Variants in PPME1 observed in about 807,000 individuals in gnomAD.
The protein encoded by PPME1 is testicular secretory protein Li 39.
A neutral mutation model predicts 56.9 loss-of-function variants in PPME1; 17 were observed. That is an observed-to-expected ratio of 0.30 (90% CI 0.20 to 0.45). The LOEUF is 0.45. PPME1 is among the 20% of genes least tolerant of loss of function. PPME1 has a pLI of 1.00. For synonymous variants in PPME1, 122 were observed against 156.2 expected (o/e 0.78, Z 1.63); for missense variants, 357 against 483.2 (o/e 0.74, Z 2.45).
chr11:74,217,076 C>T (rs1265104850), intron 3 of PPME1, among the ~76,000 whole-genome samples: 2 of 152,166 alleles, frequency 1.3e-5, no homozygotes, highest in Admixed American at 1.3e-4. Context: ...TCAAACTATT[C>T]TGAAAAATAG....
At chr11:74,232,800 C>T (rs1859100946) in intron 7 of PPME1, among the ~76,000 whole-genome samples, 1 of 151,674 alleles carries the variant, frequency 6.6e-6, no homozygotes. Flanking sequence ...CTGCCTCAGC[C>T]ACCCAAGTAG....
intron 4 of PPME1, among the ~76,000 whole-genome samples, chr11:74,224,123 A>C (rs1487493611): frequency 6.7e-6 from 1 of 149,160 alleles, no homozygotes; most frequent in Admixed American, 6.7e-5. Flanking sequence ...TTTTTGTATA[A>C]GGTGTAAGGA....
chr11:74,203,668 C>A (rs1858235448), intron 1 of PPME1, 60 bp from the exon 2 acceptor site: 1 of 1,317,030 alleles, frequency 7.6e-7, no homozygotes, highest in South Asian at 1.3e-5. Context: ...ATTTATTGAC[C>A]AAGATTTTAT....
intron 11 of PPME1, chr11:74,247,390 G>A: frequency 2.5e-6 from 1 of 402,918 alleles, no homozygotes; most frequent in Non-Finnish European, 4.4e-6. Context: ...GAGTTAAAAT[G>A]AGGCAATGTG....
rs773196231 is a variant in PPME1, at chr11:74,254,344, G to A, written c.*834G>A. On this transcript the variant is annotated 3_prime_UTR_variant, in exon 14 of 14. Coordinates refer to ENST00000328257, the MANE Select transcript of PPME1 (RefSeq NM_016147.3). Reference sequence around the variant, plus strand: ...ATTTTCATAACTGGTTCCTGGAGGTGTGCAGTGCCCCCTTGCCTCTTCAAA... The same window carrying A: ...ATTTTCATAACTGGTTCCTGGAGGTATGCAGTGCCCCCTTGCCTCTTCAAA... 1 of 152,856 alleles carries A rather than the reference G, an allele frequency of 6.5e-6. No individual in the cohort carries two copies. Among genetic ancestry groups the A allele is most frequent in the Non-Finnish European group, 1.5e-5 (1 of 68,156 alleles). The allele number at this position is 152,856 out of a possible 1,614,324, so 9.5% of individuals were successfully genotyped here.
At chr11:74,195,227 C>A (rs1857949436) in intron 1 of PPME1, among the ~76,000 whole-genome samples, 1 of 152,192 alleles carries the variant, frequency 6.6e-6, no homozygotes, top group African/African-American at 2.4e-5. Context: ...CTGTTTGTCT[C>A]TCCTCGAGAG....
intron 1 of PPME1, among the ~76,000 whole-genome samples, chr11:74,173,829 A>C (rs772778119): frequency 6.6e-6 from 1 of 152,228 alleles, no homozygotes; most frequent in Non-Finnish European, 1.5e-5. Context: ...GGAGTGAGCT[A>C]CTGTGCCTGG....
chr11:74,171,624 G>A (rs1369825630), intron 1 of PPME1, 102 bp downstream of exon 1: 1 of 1,390,460 alleles, frequency 7.2e-7, no homozygotes, highest in Non-Finnish European at 9.5e-7. Flanking sequence ...TCTACTGATA[G>A]GAGAAAATGT....
In PPME1 at chr11:74,223,448, G is replaced by A. The variant is rs1427736158; in HGVS notation, c.346+1079G>A. ...AGCAGCAAGATTTATAGTCCTTTGG[G>A]TATATACCCAGTAGTGGGATGGCTG... On this transcript the variant is annotated intron_variant, in intron 4 of 13. Coordinates refer to ENST00000328257, the MANE Select transcript of PPME1 (RefSeq NM_016147.3). 4.9e-5 allele frequency among the ~76,000 whole-genome samples: 7 copies of A among 142,270 alleles called. 1 individual carries two copies. Among genetic ancestry groups the A allele is most frequent in the African/African-American group, 2.1e-4 (7 of 33,370 alleles). 93.3% of individuals were successfully genotyped at this position (142,270 alleles called of 152,430 possible).
chr11:74,251,464 G>C, intron 12 of PPME1, 184 bp from the exon 13 acceptor site: 3 of 1,428,782 alleles, frequency 2.1e-6, no homozygotes, highest in Non-Finnish European at 2.7e-6. Flanking sequence ...CCCTGGCAAG[G>C]ATAGTGGGGA....
At chr11:74,202,421 T>G (rs1358530483) in intron 1 of PPME1, among the ~76,000 whole-genome samples, 1 of 152,232 alleles carries the variant, frequency 6.6e-6, no homozygotes, top group Non-Finnish European at 1.5e-5. Context: ...GTTTCACTTT[T>G]GAAAGAATAT....
At chr11:74,197,354 G>A (rs1461938560) in intron 1 of PPME1, among the ~76,000 whole-genome samples, 1 of 152,196 alleles carries the variant, frequency 6.6e-6, no homozygotes, top group Non-Finnish European at 1.5e-5. Flanking sequence ...AACTAATGGA[G>A]AACCTTCTTG....
intron 3 of PPME1, among the ~76,000 whole-genome samples, chr11:74,208,884 G>GT (rs1296947307): frequency 2.0e-5 from 3 of 152,316 alleles, no homozygotes; most frequent in Non-Finnish European, 2.9e-5. Context: ...ATTGAAGAGT[G>GT]TAACAGTGAA....
At chr11:74,201,712 A>G (rs868844541) in intron 1 of PPME1, among the ~76,000 whole-genome samples, 4 of 152,344 alleles carry the variant, frequency 2.6e-5, no homozygotes, top group African/African-American at 9.6e-5. Flanking sequence ...TCTGTGAAGT[A>G]TTTGGCACAG....
At chr11:74,185,405 C>A (rs1265293570) in intron 1 of PPME1, among the ~76,000 whole-genome samples, 1 of 152,048 alleles carries the variant, frequency 6.6e-6, no homozygotes, top group Non-Finnish European at 1.5e-5. Context: ...TTTATATGAA[C>A]CTCATTGGTT....
At chr11:74,246,758 A>G (rs1454591781) in intron 10 of PPME1, among the ~76,000 whole-genome samples, 1 of 152,236 alleles carries the variant, frequency 6.6e-6, no homozygotes, top group Non-Finnish European at 1.5e-5. Context: ...AGCATAAAGG[A>G]TGACCTAATT....
At chr11:74,207,140 T>A (rs997151204) in intron 3 of PPME1, among the ~76,000 whole-genome samples, 3 of 152,160 alleles carry the variant, frequency 2.0e-5, no homozygotes, top group African/African-American at 7.2e-5. Flanking sequence ...TTGACACACA[T>A]AGGCAGAAAT....
intron 1 of PPME1, among the ~76,000 whole-genome samples, chr11:74,185,269 A>G (rs1397310026): frequency 6.6e-6 from 1 of 152,046 alleles, no homozygotes; most frequent in East Asian, 1.9e-4. Context: ...AAGTGCTGGG[A>G]TTACAGGTGT....
chr11:74,175,071 C>T (rs760854452), intron 1 of PPME1, among the ~76,000 whole-genome samples: 3 of 152,090 alleles, frequency 2.0e-5, no homozygotes, highest in Non-Finnish European at 4.4e-5. Flanking sequence ...ATTTGAGATC[C>T]CTATTTGCTT....
Sources: gnomAD v4.1 joint callset for allele counts (sites outside exome capture counted in the v4.1 genomes callset) on GRCh38, gnomAD v4.1.1 for gene constraint, MANE v1.5 for transcripts, NCBI Gene and HGNC (gene_info 2026-07-23, HGNC 2026-07-21) for gene names.